HIPK3: variants seen among roughly 807,000 people sequenced by gnomAD.
HIPK3 encodes homeodomain interacting protein kinase 3, also known as homeodomain-interacting protein kinase 3.
Under a neutral mutation model 124.2 loss-of-function variants are expected in HIPK3, and 47 were observed. That is an observed-to-expected ratio of 0.38 (90% CI 0.30 to 0.48). The LOEUF (loss-of-function observed/expected upper bound fraction) is 0.48, where lower values mean the gene tolerates loss of function less well. Ranked by LOEUF, HIPK3 falls within the 20% of genes least tolerant of loss-of-function variation. The probability of loss-of-function intolerance (pLI) is 0.98; values close to 1 mark genes in which losing one functional copy is unlikely to be tolerated. For synonymous variants in HIPK3, 482 were observed against 515.2 expected (o/e 0.94, Z 0.87); for missense variants, 1,286 against 1,454.3 (o/e 0.88, Z 1.88).
chr11:33,280,382 G>A (rs542558637), intron 1 of HIPK3, among the ~76,000 whole-genome samples: 25 of 152,292 alleles, frequency 1.6e-4, no homozygotes, highest in East Asian at 7.7e-4. Context: ...CTAGCAAGTC[G>A]TGAGTATGTC....
intron 7 of HIPK3, 25 bp downstream of exon 7, chr11:33,341,152 C>A: frequency 3.3e-6 from 5 of 1,495,800 alleles, no homozygotes; most frequent in South Asian, 1.3e-5. Context: ...TAATTAATAA[C>A]TTAGGGTCTT....
In HIPK3 at chr11:33,354,337, T is replaced by G. The variant is rs529031108; in HGVS notation, c.*769T>G. On this transcript the variant is annotated 3_prime_UTR_variant, in exon 17 of 17. Transcript: ENST00000303296. ...TCTGCTGTCTGATTTTTCAGAATGA[T>G]CTAGCTTCAAGAAAAGCAAGCAGTT... 1.2e-4 allele frequency: 19 copies of G among 152,780 alleles called. No individual in the cohort carries two copies. Among genetic ancestry groups the G allele is most frequent in the African/African-American group, 4.3e-4 (18 of 41,592 alleles). 9.5% of individuals were successfully genotyped at this position (152,780 alleles called of 1,614,324 possible). A position where few individuals can be genotyped will look rare whatever the true frequency, so the allele number is the denominator to read the frequency against.
intron 4 of HIPK3, 148 bp from the exon 5 acceptor site, chr11:33,338,609 T>G (rs1160366589): frequency 2.6e-5 from 12 of 456,848 alleles, no homozygotes; most frequent in Non-Finnish European, 2.3e-5. Context: ...ATTTTTTTTT[T>G]GCGTATACTT....
chr11:33,310,133 G>GT (rs1439968525), intron 2 of HIPK3, among the ~76,000 whole-genome samples: 1 of 152,040 alleles, frequency 6.6e-6, no homozygotes, highest in African/African-American at 2.4e-5. Context: ...TGACAACTTT[G>GT]TTTTTTAGCA....
intron 1 of HIPK3, chr11:33,258,662 G>C (rs1286865435): frequency 1.0e-6 from 1 of 985,260 alleles, no homozygotes; most frequent in Non-Finnish European, 1.2e-6. Flanking sequence ...CTGTTTCTCT[G>C]TCGGGAGGGA....
chr11:33,322,251 G>A (rs899292823), intron 2 of HIPK3, among the ~76,000 whole-genome samples: 3 of 151,838 alleles, frequency 2.0e-5, no homozygotes, highest in Non-Finnish European at 4.4e-5. Context: ...TGCCTGCCTC[G>A]GCCTCCCAAA....
chr11:33,297,218 C>T (rs1307084736), intron 2 of HIPK3, among the ~76,000 whole-genome samples: 2 of 151,928 alleles, frequency 1.3e-5, no homozygotes, highest in African/African-American at 4.8e-5. Flanking sequence ...CTCAGCCTCC[C>T]GAGTAGCTGG....
Position 33,300,926 on chromosome 11 carries a change from A to G in HIPK3, c.1097+13415A>G, listed in dbSNP as rs150342150. Among the ~76,000 whole-genome samples the G allele has an allele frequency of 5.0e-3, 763 of 152,218 alleles. 2 individuals carry two copies. Among genetic ancestry groups the G allele is most frequent in the Middle Eastern group, 0.017 (5 of 294 alleles). ...AATTTTTGTATTGTTTTGTAGAGACAGGGTTTTGCCATGTTGCCAAGGGTG... is the reference window on the plus strand; with the variant it reads ...AATTTTTGTATTGTTTTGTAGAGACGGGGTTTTGCCATGTTGCCAAGGGTG... On this transcript the variant is annotated intron_variant, in intron 2 of 16. Transcript: ENST00000303296.
At chr11:33,261,887 T>G (rs1850837032) in intron 1 of HIPK3, among the ~76,000 whole-genome samples, 1 of 152,168 alleles carries the variant, frequency 6.6e-6, no homozygotes, top group African/African-American at 2.4e-5. Context: ...ATCTGTTATT[T>G]TTTGACTTTT....
rs1417767998 is a variant in HIPK3, at chr11:33,348,433, T to G, written c.2370-89T>G. On this transcript the variant is annotated intron_variant, in intron 12 of 16. Coordinates refer to ENST00000303296, the MANE Select transcript of HIPK3 (RefSeq NM_005734.5). Reference sequence around the variant, plus strand: ...ATTCATGAACTCGAACAAGTGAAGGTTCTCATTTTCTGGTTTAACAAGATA... The same window carrying G: ...ATTCATGAACTCGAACAAGTGAAGGGTCTCATTTTCTGGTTTAACAAGATA... 5 of 1,156,374 alleles carry G rather than the reference T, an allele frequency of 4.3e-6. No homozygotes were observed. In the Admixed American group the frequency reaches 1.0e-4, roughly 24 times the overall value. 71.6% of individuals were successfully genotyped at this position (1,156,374 alleles called of 1,614,324 possible). A position where few individuals can be genotyped will look rare whatever the true frequency, so the allele number is the denominator to read the frequency against.
intron 6 of HIPK3, among the ~76,000 whole-genome samples, chr11:33,339,842 T>C (rs1000383066): frequency 2.6e-4 from 39 of 152,360 alleles, no homozygotes; most frequent in African/African-American, 9.1e-4. Context: ...CTAACAGTTT[T>C]CTCTTTAAAG....
chr11:33,323,059 A>C (rs751614735), intron 2 of HIPK3, among the ~76,000 whole-genome samples: 8 of 152,198 alleles, frequency 5.3e-5, no homozygotes, highest in Non-Finnish European at 7.4e-5. Flanking sequence ...CAAAAAGTAG[A>C]AACAACCCAA....
intron 3 of HIPK3, among the ~76,000 whole-genome samples, chr11:33,329,325 T>C (rs1457501205): frequency 6.6e-6 from 1 of 152,230 alleles, no homozygotes; most frequent in Non-Finnish European, 1.5e-5. Context: ...CAACTCATTC[T>C]AATAGAAAAT....
At chr11:33,265,605 C>G (rs954768478) in intron 1 of HIPK3, among the ~76,000 whole-genome samples, 1 of 151,196 alleles carries the variant, frequency 6.6e-6, no homozygotes, top group Non-Finnish European at 1.5e-5. Context: ...GAAACCCCAT[C>G]TCTACAAAAA....
chr11:33,352,313 C>CAGTT lies in HIPK3; in HGVS notation c.3171+49_3171+52dup, dbSNP rs767960429. Reference sequence around the variant, plus strand: ...AGGAGTCTGTGGGATTCAAATTTAGCAGTTGTTTTTCACGTGGAGGAGAAA... The same window carrying CAGTT: ...AGGAGTCTGTGGGATTCAAATTTAGCAGTTAGTTGTTTTTCACGTGGAGGAGAAA... On this transcript the variant is annotated intron_variant, in intron 16 of 16. Transcript: ENST00000303296. 31 of 1,594,756 alleles carry CAGTT rather than the reference C, an allele frequency of 1.9e-5. No homozygotes were observed. In the Admixed American group the frequency reaches 5.4e-4, roughly 28 times the overall value.
chr11:33,341,657 CATTG>C lies in HIPK3; in HGVS notation c.1872_1875del (p.Ile625SerfsTer21), dbSNP rs1202894696. 1.2e-6 allele frequency: 2 copies of C among 1,613,192 alleles called. No individual in the cohort carries two copies. Among genetic ancestry groups the C allele is most frequent in the Non-Finnish European group, 1.7e-6 (2 of 1,179,488 alleles). ...GGTTGTGGTGATGCTTTTCAGCAGA[CATTG>C]ATTATCTGTCCCCCAGCTATTCAAG... is the stretch of plus-strand genomic sequence containing the variant. On this transcript the variant is annotated frameshift_variant, in exon 8 of 17. Transcript: ENST00000303296. LOFTEE classifies it high-confidence loss of function.
chr11:33,340,801 C>T (rs983454342), intron 6 of HIPK3, among the ~76,000 whole-genome samples, 167 bp from the exon 7 acceptor site: 2 of 152,134 alleles, frequency 1.3e-5, no homozygotes, highest in African/African-American at 4.8e-5. Context: ...GAAACTTAAT[C>T]TTTTCTGGTA....
chr11:33,295,765 CAT>C (rs1851828196), intron 2 of HIPK3, among the ~76,000 whole-genome samples: 2 of 152,208 alleles, frequency 1.3e-5, no homozygotes, highest in African/African-American at 4.8e-5. Flanking sequence ...TGTGTCCACA[CAT>C]ATTGAGAGGC....
At chr11:33,350,620 G>C (rs1853629469) in intron 14 of HIPK3, among the ~76,000 whole-genome samples, 1 of 152,062 alleles carries the variant, frequency 6.6e-6, no homozygotes, top group African/African-American at 2.4e-5. Flanking sequence ...GCTGCAGTGA[G>C]CTATGATCAC....
Sources: gnomAD v4.1 joint callset for allele counts (sites outside exome capture counted in the v4.1 genomes callset) on GRCh38, gnomAD v4.1.1 for gene constraint, MANE v1.5 for transcripts, NCBI Gene and HGNC (gene_info 2026-07-23, HGNC 2026-07-21) for gene names.